The following TSGA10 variants were observed in gnomAD, a reference collection of about 807,000 sequenced individuals.
The protein encoded by TSGA10 is testis specific 10, also known as testis-specific gene 10 protein.
TSGA10 carries 43 observed loss-of-function variants against 96.6 expected under a neutral mutation model. The observed-to-expected ratio is 0.44, with a 90% CI of 0.35 to 0.57. TSGA10 has a LOEUF of 0.57. Among genes scored for constraint, TSGA10 ranks in the 20% least tolerant of loss-of-function variants. The pLI, the probability that TSGA10 is intolerant of heterozygous loss-of-function variation, is 0.01. For missense variants in TSGA10, 703 were observed against 834.4 expected (o/e 0.84, Z 1.94); for synonymous variants, 229 against 269.9 (o/e 0.85, Z 1.48).
chr2:99,082,986 A>C (rs2087717443), intron 10 of TSGA10, among the ~76,000 whole-genome samples: 1 of 152,140 alleles, frequency 6.6e-6, no homozygotes, highest in Admixed American at 6.5e-5. Context: ...GAAAGAGATA[A>C]CTGGTAAACT....
intron 17 of TSGA10, among the ~76,000 whole-genome samples, chr2:99,022,498 T>C (rs924517480): frequency 6.6e-6 from 1 of 152,192 alleles, no homozygotes; most frequent in Non-Finnish European, 1.5e-5. Context: ...CACAATGTTT[T>C]TAAGAGTTAT....
chr2:99,144,172 C>A (rs1175301705), intron 1 of TSGA10, among the ~76,000 whole-genome samples: 1 of 152,130 alleles, frequency 6.6e-6, no homozygotes, highest in Non-Finnish European at 1.5e-5. Flanking sequence ...AGGCGCCCAC[C>A]ACCACGCCCG....
rs1446228294 is a variant in TSGA10, at chr2:99,136,755, C to T, written c.-620-9579G>A. ...CGGAGCTTGCAGTGAGCCGAGATCC[C>T]GCCACTGCACTCCAGCCTGGGCGAC... On this transcript the variant is annotated intron_variant, in intron 1 of 20. Transcript: ENST00000393483. 3.5e-4 allele frequency among the ~76,000 whole-genome samples: 7 copies of T among 20,184 alleles called. 2 individuals are homozygous for T. Among genetic ancestry groups the T allele is most frequent in the South Asian group, 2.3e-3 (1 of 442 alleles). The allele number at this position is 20,184 out of a possible 152,430, so 13.2% of individuals were successfully genotyped here.
At chr2:99,017,862 T>A (rs1023550398) in intron 20 of TSGA10, among the ~76,000 whole-genome samples, 1 of 151,664 alleles carries the variant, frequency 6.6e-6, no homozygotes, top group African/African-American at 2.4e-5. Flanking sequence ...ATGGGTACAG[T>A]GCACACTGTT....
chr2:99,033,275 T>C (rs765431874), intron 17 of TSGA10, among the ~76,000 whole-genome samples: 1 of 152,248 alleles, frequency 6.6e-6, no homozygotes, highest in Non-Finnish European at 1.5e-5. Flanking sequence ...TTAACTCATG[T>C]CTGTTCGCAT....
At chr2:99,058,657 G>A (rs1478686515) in intron 16 of TSGA10, among the ~76,000 whole-genome samples, 1 of 152,100 alleles carries the variant, frequency 6.6e-6, no homozygotes, top group Admixed American at 6.5e-5. Context: ...TAACTACAAA[G>A]TAAGAACAAA....
intron 18 of TSGA10, among the ~76,000 whole-genome samples, 154 bp from the exon 19 acceptor site, chr2:99,018,794 C>A (rs992100133): frequency 2.6e-5 from 4 of 152,120 alleles, no homozygotes; most frequent in Non-Finnish European, 5.9e-5. Flanking sequence ...CTAAAATATG[C>A]CCATGTTAGA....
intron 16 of TSGA10, among the ~76,000 whole-genome samples, chr2:99,056,816 CAAAAA>C (rs747141525): frequency 2.6e-5 from 2 of 75,642 alleles, no homozygotes; most frequent in Non-Finnish European, 5.5e-5. Flanking sequence ...CAAAATCCTT[CAAAAA>C]AAAAAAAAAA....
At chr2:99,102,152 G>A in intron 10 of TSGA10, 38 of 1,490,444 alleles carry the variant, frequency 2.5e-5, no homozygotes, top group Non-Finnish European at 3.4e-5. Flanking sequence ...TGGAGCTGAT[G>A]AATATACTTG....
chr2:99,109,362 A>G, intron 6 of TSGA10, 27 bp downstream of exon 6: 1 of 1,612,466 alleles, frequency 6.2e-7, no homozygotes, highest in South Asian at 1.1e-5. Context: ...ACAAACTCCA[A>G]AATATTTGTA....
At chr2:99,074,043 GCT>G (rs2086346961) in intron 12 of TSGA10, among the ~76,000 whole-genome samples, 1 of 32,978 alleles carries the variant, frequency 3.0e-5, no homozygotes, top group Non-Finnish European at 5.9e-5. Flanking sequence ...ATGGAGTTTT[GCT>G]CTTGATGCCC....
chr2:99,062,345 C>T (rs2084793491), intron 16 of TSGA10, among the ~76,000 whole-genome samples: 1 of 152,128 alleles, frequency 6.6e-6, no homozygotes, highest in South Asian at 2.1e-4. Context: ...GCCATTTTAT[C>T]TGATCACAAT....
intron 2 of TSGA10, among the ~76,000 whole-genome samples, chr2:99,121,660 T>C (rs1296320216): frequency 6.6e-6 from 1 of 151,918 alleles, no homozygotes; most frequent in East Asian, 1.9e-4. Context: ...TTAGTAGAGA[T>C]GGGGTTTTGC....
rs538507681 is a variant in TSGA10, at chr2:99,101,563, G to A, written c.611+2404C>T. On this transcript the variant is annotated intron_variant, in intron 10 of 20. Coordinates refer to ENST00000393483, the MANE Select transcript of TSGA10 (RefSeq NM_025244.4). ...AAGGCAGGTCATTAGAAAATACCCAGAGGATAAAAAAGAAAAAAGAGTAAA... is the reference window on the plus strand; with the variant it reads ...AAGGCAGGTCATTAGAAAATACCCAAAGGATAAAAAAGAAAAAAGAGTAAA... Among the ~76,000 whole-genome samples the A allele has an allele frequency of 1.4e-4, 22 of 151,988 alleles. No individual in the cohort carries two copies. The South Asian group carries it at 4.4e-3, about 30-fold the overall frequency.
At position 99,018,654 on chromosome 2, in the gene TSGA10, G is replaced by A. The variant is rs780592541; in HGVS notation, c.1818-14C>T. The A allele has an allele frequency of 1.2e-6, 2 of 1,600,872 alleles. No homozygotes were observed. The highest frequency in any genetic ancestry group is 1.7e-6 in the Non-Finnish European group (2 of 1,174,098). ...CTCTGGATGGCCCTGTTTAAAAGAAGATAAGAGTTATAGTTGACTAAACTT... is the reference window on the plus strand; with the variant it reads ...CTCTGGATGGCCCTGTTTAAAAGAAAATAAGAGTTATAGTTGACTAAACTT... On this transcript the variant is annotated splice_polypyrimidine_tract_variant and intron_variant, in intron 18 of 20. Coordinates refer to ENST00000393483, the MANE Select transcript of TSGA10 (RefSeq NM_025244.4).
chr2:99,070,334 C>G (rs954560825), intron 14 of TSGA10, among the ~76,000 whole-genome samples: 3 of 152,038 alleles, frequency 2.0e-5, no homozygotes, highest in Non-Finnish European at 4.4e-5. Flanking sequence ...TATGATCACA[C>G]ACGCAGAGAG....
intron 17 of TSGA10, among the ~76,000 whole-genome samples, chr2:99,027,605 G>A (rs7605734): frequency 0.43 from 65,990 of 151,946 alleles, 16,991 homozygotes; most frequent in African/African-American, 0.72. Flanking sequence ...AAACCTGTCT[G>A]CCATACATAC....
intron 1 of TSGA10, among the ~76,000 whole-genome samples, chr2:99,134,612 T>A (rs2093247345): frequency 6.6e-6 from 1 of 152,156 alleles, no homozygotes; most frequent in Non-Finnish European, 1.5e-5. Context: ...TGTCCAGTTT[T>A]GCTCCTTTGC....
intron 16 of TSGA10, among the ~76,000 whole-genome samples, chr2:99,047,749 G>T (rs2082946930): frequency 6.6e-6 from 1 of 152,080 alleles, no homozygotes; most frequent in African/African-American, 2.4e-5. Flanking sequence ...AGAAATAAAG[G>T]GCATTCAATT....
Sources: allele counts gnomAD v4.1 joint callset (sites outside exome capture counted in the v4.1 genomes callset), GRCh38; gene constraint gnomAD v4.1.1; transcripts MANE v1.5; gene names NCBI Gene and HGNC (gene_info 2026-07-23, HGNC 2026-07-21).